DPH7: variants seen among roughly 807,000 people sequenced by gnomAD.
The protein encoded by DPH7 is diphthamide biosynthesis 7, also known as diphthine methyltransferase.
DPH7 carries 44 observed loss-of-function variants against 41.7 expected under a neutral mutation model. The ratio of observed to expected loss-of-function variants is 1.05; its 90% CI spans 0.83 to 1.36. The LOEUF is 1.36. Among genes scored for constraint, DPH7 ranks in the 40% most tolerant of loss-of-function variants. The pLI, the probability that DPH7 is intolerant of heterozygous loss-of-function variation, is 0.00. For missense variants in DPH7, 629 were observed against 577.5 expected (o/e 1.09, Z -0.91); for synonymous variants, 275 against 238.0 (o/e 1.16, Z -1.43).
At chr9:137,555,780 T>C (rs1564395784) in intron 8 of DPH7, 132 bp from the exon 9 acceptor site, 3 of 1,071,568 alleles carry the variant, frequency 2.8e-6, no homozygotes, top group Non-Finnish European at 3.9e-6. Flanking sequence ...GGAGCCGTTG[T>C]GTCATGCAAA....
In DPH7 at chr9:137,576,187, T is replaced by G; in HGVS notation, c.288-20A>C. 4 of 1,610,068 alleles carry G rather than the reference T, an allele frequency of 2.5e-6. No homozygotes were observed. The highest frequency in any genetic ancestry group is 3.4e-6 in the Non-Finnish European group (4 of 1,176,846). ...TGACACCTGAGGAGAGGGCCCACCA[T>G]AAGCACACCAATGTGCCCGGAGCAC... On this transcript the variant is annotated intron_variant, in intron 2 of 8. Coordinates refer to ENST00000277540, the MANE Select transcript of DPH7 (RefSeq NM_138778.5).
At chr9:137,572,364 G>A (rs950078) in intron 5 of DPH7, among the ~76,000 whole-genome samples, 31,289 of 152,178 alleles carry the variant, frequency 0.21, 3,490 homozygotes, top group Admixed American at 0.33. Context: ...TTGGGTAATC[G>A]CATCACTATT....
rs777354928 is a variant in DPH7 at position 137,578,762 on chromosome 9, C to T, written c.16G>A (p.Ala6Thr). 2 of 1,508,522 alleles carry T rather than the reference C, an allele frequency of 1.3e-6. No individual in the cohort carries two copies. The highest frequency in any genetic ancestry group is 2.9e-5 in the African/African-American group (2 of 69,010). The allele number at this position is 1,508,522 out of a possible 1,614,324, so 93.4% of individuals were successfully genotyped here. ...AGCTCGGTGTCCACCGTTTGCAGGG[C>T]GAAACAGCCCATCATCCAGCCCTCG... Reference protein sequence around the residue: MMGCFALQTVDTELTA... With the variant: MMGCFTLQTVDTELTA... The change falls in exon 1 of 9, where the codon GCC (alanine) becomes ACC (threonine). Residue 6 changes from alanine (A) to threonine (T), a missense_variant. Coordinates refer to ENST00000277540, the MANE Select transcript of DPH7 (RefSeq NM_138778.5).
chr9:137,575,298 C>T (rs895262599), intron 3 of DPH7: 14 of 992,774 alleles, frequency 1.4e-5, no homozygotes, highest in Admixed American at 1.2e-4. Context: ...GCCATGAGAA[C>T]GTGGTTGCTC....
rs139147559 is a variant in DPH7, at chr9:137,555,342, T to A, written c.1256A>T (p.Asp419Val). 5 of 1,614,214 alleles carry A rather than the reference T, an allele frequency of 3.1e-6. No individual in the cohort carries two copies. In the South Asian group the frequency reaches 4.4e-5, roughly 14 times the overall value. Residue 419 changes from aspartate (D) to valine (V), a missense_variant, in exon 9 of 9, where the codon GAC (aspartate) becomes GTC (valine). Asp to Val is a radical substitution (Grantham distance 152). Transcript: ENST00000277540. ...TGCTTCTTCTGGGTTCACGCCACAGTCACGTGTGGTGGCTGCTGTAGCCTG... is the reference window on the plus strand; with the variant it reads ...TGCTTCTTCTGGGTTCACGCCACAGACACGTGTGGTGGCTGCTGTAGCCTG... ...WLQATAATTR[D>V]CGVNPEEADS... is the part of the protein sequence containing the mutation.
intron 8 of DPH7, among the ~76,000 whole-genome samples, chr9:137,559,271 G>A (rs1432194453): frequency 8.6e-5 from 13 of 150,444 alleles, no homozygotes; most frequent in East Asian, 3.9e-4. Context: ...TGTTATGCCT[G>A]GACAGGGCCA....
Position 137,565,089 on chromosome 9 carries a change from T to G in DPH7, c.706A>C (p.Lys236Gln), listed in dbSNP as rs1001103120. The G allele has an allele frequency of 6.2e-7, 1 of 1,614,042 alleles. No individual in the cohort carries two copies. The highest frequency in any genetic ancestry group is 1.1e-5 in the South Asian group (1 of 91,092). Residue 236 changes from lysine (K) to glutamine (Q), a missense_variant, in exon 6 of 9, where the codon AAA becomes CAA. Lys to Gln is a moderately conservative substitution (Grantham distance 53, BLOSUM62 1). Coordinates refer to ENST00000277540, the MANE Select transcript of DPH7 (RefSeq NM_138778.5). ...TGCTGGCCCTTGGGCAGTTACCTTT[T>G]GCTGGTGAAGAGAAATTTGCCGGGT... is the stretch of plus-strand genomic sequence containing the variant. The part of the protein sequence containing the change: ...RVPGKFLFTS[K>Q]RHTMGVCSIQ...
chr9:137,578,831 G>T lies in DPH7; in HGVS notation c.-54C>A. On this transcript the variant is annotated 5_prime_UTR_variant, in exon 1 of 9. Coordinates refer to ENST00000277540, the MANE Select transcript of DPH7 (RefSeq NM_138778.5). ...GCAGTAGAGGCGGGTCGGCGGGGCC[G>T]GGCTGGGTACTGCGCGGGGCGGCGA... 1 of 1,374,862 alleles carries T rather than the reference G, an allele frequency of 7.3e-7. No individual in the cohort carries two copies. The highest frequency in any genetic ancestry group is 9.4e-7 in the Non-Finnish European group (1 of 1,061,170). The allele number at this position is 1,374,862 out of a possible 1,614,324, so 85.2% of individuals were successfully genotyped here.
At chr9:137,573,293 G>A (rs1167309920) in intron 5 of DPH7, among the ~76,000 whole-genome samples, 8 of 144,022 alleles carry the variant, frequency 5.6e-5, no homozygotes, top group Admixed American at 7.0e-5. Flanking sequence ...CCTGGGAGGC[G>A]GAGCTTGCAG....
chr9:137,562,107 G>T (rs1012675155), intron 8 of DPH7, among the ~76,000 whole-genome samples: 4 of 152,134 alleles, frequency 2.6e-5, no homozygotes, highest in Non-Finnish European at 4.4e-5. Context: ...CTTGTGATCT[G>T]CCCACCTCAG....
chr9:137,575,021 A>G, intron 3 of DPH7, 178 bp from the exon 4 acceptor site: 1 of 1,409,638 alleles, frequency 7.1e-7, no homozygotes, highest in Non-Finnish European at 9.2e-7. Context: ...GGGCCCCGAG[A>G]AGACCTGGGG....
chr9:137,563,588 G>C (rs1485331844), intron 8 of DPH7, among the ~76,000 whole-genome samples: 1 of 151,590 alleles, frequency 6.6e-6, no homozygotes, highest in African/African-American at 2.4e-5. Context: ...TCAAGTCCTT[G>C]AGTACAATCC....
intron 5 of DPH7, among the ~76,000 whole-genome samples, chr9:137,573,557 C>T (rs1170371462): frequency 1.3e-5 from 2 of 148,698 alleles, no homozygotes; most frequent in African/African-American, 2.5e-5. Flanking sequence ...GTGGCGGGTG[C>T]CTGTAGTCCC....
intron 8 of DPH7, among the ~76,000 whole-genome samples, chr9:137,558,082 G>A (rs1442569638): frequency 2.0e-5 from 3 of 152,172 alleles, no homozygotes; most frequent in African/African-American, 7.2e-5. Flanking sequence ...GTTGCAGTGA[G>A]CTGAGATTGT....
At chr9:137,569,260 A>AC (rs976557216) in intron 5 of DPH7, among the ~76,000 whole-genome samples, 12 of 124,554 alleles carry the variant, frequency 9.6e-5, no homozygotes, top group East Asian at 2.5e-4. Context: ...CCATCTATCC[A>AC]CCCCCCGACC....
intron 8 of DPH7, among the ~76,000 whole-genome samples, chr9:137,559,884 C>A (rs1838214421): frequency 6.6e-6 from 1 of 152,196 alleles, no homozygotes; most frequent in South Asian, 2.1e-4. Flanking sequence ...CCCCCGGGCC[C>A]AGCTGTCTTT....
intron 3 of DPH7, chr9:137,575,647 C>T (rs1462858470): frequency 2.0e-6 from 2 of 1,012,876 alleles, no homozygotes; most frequent in East Asian, 9.0e-5. Flanking sequence ...GATGAAGTCA[C>T]TTTGTTAATG....
chr9:137,556,610 C>T lies in DPH7; in HGVS notation c.950-962G>A, dbSNP rs57000700. 2.6e-3 allele frequency: 902 copies of T among 342,310 alleles called. 10 individuals are homozygous for T. The highest frequency in any genetic ancestry group is 0.017 in the African/African-American group (802 of 46,148). 21.2% of individuals were successfully genotyped at this position (342,310 alleles called of 1,614,324 possible). On this transcript the variant is annotated intron_variant, in intron 8 of 8. Coordinates refer to ENST00000277540, the MANE Select transcript of DPH7 (RefSeq NM_138778.5). The surrounding 1 kb of genome is among the most constrained non-coding windows in gnomAD (Gnocchi z 5.2). ...GGCTTCAACTGGGCAGAGGTGGCTC[C>T]GAGGAGGAGTGAGATGCTGAATGTT... is the stretch of plus-strand genomic sequence containing the variant.
rs1394560343 is a variant in DPH7 at position 137,574,201 on chromosome 9, T to C, written c.640+7A>G. On this transcript the variant is annotated splice_region_variant and intron_variant, in intron 5 of 8. Coordinates refer to ENST00000277540, the MANE Select transcript of DPH7 (RefSeq NM_138778.5). ...CCATCAGAGGTGACCGGTGGAGGAA[T>C]ACTGACCTGAATACACAATTTCTGG... is the stretch of plus-strand genomic sequence containing the variant. The C allele has an allele frequency of 6.2e-7, 1 of 1,613,772 alleles. No individual in the cohort carries two copies. Among genetic ancestry groups the C allele is most frequent in the East Asian group, 2.2e-5 (1 of 44,888 alleles).
Sources: allele counts gnomAD v4.1 joint callset (sites outside exome capture counted in the v4.1 genomes callset), GRCh38; gene constraint gnomAD v4.1.1; non-coding constraint Gnocchi (gnomAD v3.1); transcripts MANE v1.5; gene names NCBI Gene and HGNC (gene_info 2026-07-23, HGNC 2026-07-21).